The following ADAM7 variants were observed in gnomAD, a reference collection of about 807,000 sequenced individuals.
ADAM7 encodes the protein ADAM metallopeptidase domain 7, also known as disintegrin and metalloproteinase domain-containing protein 7.
In ADAM7, 97 loss-of-function variants were observed where a neutral mutation model predicts 102.9. The ratio of observed to expected loss-of-function variants is 0.94; its 90% CI spans 0.80 to 1.12. ADAM7 has a LOEUF of 1.12. ADAM7 is among the 50% of genes most tolerant of loss of function. ADAM7 has a pLI of 0.00. For missense variants in ADAM7, 991 were observed against 908.7 expected (o/e 1.09, Z -1.16); for synonymous variants, 334 against 304.4 (o/e 1.10, Z -1.01).
chr8:24,501,954 G>A (rs979294765), intron 20 of ADAM7, among the ~76,000 whole-genome samples: 27 of 152,078 alleles, frequency 1.8e-4, no homozygotes, highest in African/African-American at 5.1e-4. Context: ...CACTTCTGGA[G>A]GCCGAGACAG....
intron 7 of ADAM7, among the ~76,000 whole-genome samples, chr8:24,474,578 T>C (rs907568720): frequency 6.6e-6 from 1 of 152,058 alleles, no homozygotes; most frequent in African/African-American, 2.4e-5. Flanking sequence ...ATTAATGATA[T>C]ATATGATAGC....
intron 4 of ADAM7, among the ~76,000 whole-genome samples, chr8:24,465,091 G>A (rs1156869739): frequency 6.6e-6 from 1 of 152,132 alleles, no homozygotes; most frequent in East Asian, 1.9e-4. Context: ...AGCAGCAAAT[G>A]TCAACTTCTA....
Position 24,466,860 on chromosome 8 carries a change from G to A in ADAM7, c.451G>A (p.Gly151Arg). The A allele has an allele frequency of 1.2e-6, 2 of 1,613,984 alleles. No individual in the cohort carries two copies. Among genetic ancestry groups the A allele is most frequent in the Non-Finnish European group, 1.7e-6 (2 of 1,179,936 alleles). The change falls in exon 6 of 22, where the codon GGA (glycine) becomes AGA (arginine). Residue 151 changes from glycine (G) to arginine (R), a missense_variant. Physicochemically the swap from Gly to Arg is moderately radical, Grantham distance 125. Transcript: ENST00000175238. The stretch of plus-strand genomic sequence containing the variant: ...TGAACCAGTGAAATACTCAGATGAG[G>A]GAGAACATTTGGTGTTCAAATATAA... ...LIEPVKYSDE[G>R]EHLVFKYNLR...
intron 9 of ADAM7, among the ~76,000 whole-genome samples, chr8:24,482,541 A>G (rs1819992760): frequency 6.6e-6 from 1 of 152,118 alleles, no homozygotes; most frequent in African/African-American, 2.4e-5. Context: ...TTAGCCTAGG[A>G]GTTCAAGACC....
chr8:24,482,977 T>C (rs1334174895), intron 9 of ADAM7, among the ~76,000 whole-genome samples: 1 of 152,102 alleles, frequency 6.6e-6, no homozygotes, highest in Non-Finnish European at 1.5e-5. Context: ...TTCCAAAATC[T>C]GCCTTTCTGG....
intron 9 of ADAM7, among the ~76,000 whole-genome samples, chr8:24,482,558 A>G (rs895269797): frequency 6.6e-6 from 1 of 152,062 alleles, no homozygotes; most frequent in Non-Finnish European, 1.5e-5. Flanking sequence ...GACCAGCCCC[A>G]GGCAACATAG....
chr8:24,500,546 C>G (rs1222560411), intron 18 of ADAM7, among the ~76,000 whole-genome samples: 2 of 152,164 alleles, frequency 1.3e-5, no homozygotes, highest in African/African-American at 4.8e-5. Flanking sequence ...AATCAAAACT[C>G]TTCCTGATGA....
intron 13 of ADAM7, 61 bp downstream of exon 13, chr8:24,490,949 G>C: frequency 6.4e-7 from 1 of 1,552,016 alleles, no homozygotes; most frequent in Non-Finnish European, 8.8e-7. Context: ...TAGGATCCAA[G>C]AGTTATCTAA....
At chr8:24,456,632 A>ATTT (rs71212541) in intron 3 of ADAM7, among the ~76,000 whole-genome samples, 36 of 136,982 alleles carry the variant, frequency 2.6e-4, no homozygotes, top group African/African-American at 9.4e-4. Flanking sequence ...TGTCCTGGGA[A>ATTT]TTTTTTTTTT....
At chr8:24,485,682 TG>T (rs1344942077) in intron 10 of ADAM7, among the ~76,000 whole-genome samples, 1 of 152,212 alleles carries the variant, frequency 6.6e-6, no homozygotes, top group East Asian at 1.9e-4. Flanking sequence ...TAAAGGTTGA[TG>T]GCTCATTTAA....
chr8:24,452,748 A>C (rs1285201181), intron 3 of ADAM7, among the ~76,000 whole-genome samples: 2 of 151,790 alleles, frequency 1.3e-5, no homozygotes, highest in African/African-American at 4.8e-5. Context: ...CCTAGCCTCG[A>C]TGGTCTTTAC....
In ADAM7 at chr8:24,508,759, A is replaced by G. The variant is rs189196924; in HGVS notation, c.*213A>G. 1 of 1,359,198 alleles carries G rather than the reference A, an allele frequency of 7.4e-7. No individual in the cohort carries two copies. 84.2% of individuals were successfully genotyped at this position (1,359,198 alleles called of 1,614,324 possible). A position where few individuals can be genotyped will look rare whatever the true frequency, so the allele number is the denominator to read the frequency against. On this transcript the variant is annotated 3_prime_UTR_variant, in exon 22 of 22. Transcript: ENST00000175238. ...ACCCTCTATCATAAACATATGCTGC[A>G]GAAAAAAAATGTCTTGTGGTCTTTC... is the stretch of plus-strand genomic sequence containing the variant.
At chr8:24,464,316 AC>A (rs144374521) in intron 4 of ADAM7, among the ~76,000 whole-genome samples, 19,076 of 152,162 alleles carry the variant, frequency 0.13, 1,548 homozygotes, top group Non-Finnish European at 0.18. Context: ...AAGCTATGAA[AC>A]AACTTTAAAA....
At chr8:24,504,289 G>A (rs1820872966) in intron 20 of ADAM7, among the ~76,000 whole-genome samples, 1 of 151,916 alleles carries the variant, frequency 6.6e-6, no homozygotes, top group African/African-American at 2.4e-5. Flanking sequence ...AACCTCTGGA[G>A]CCCAGGAGAT....
chr8:24,485,066 G>T (rs905147550), intron 9 of ADAM7, among the ~76,000 whole-genome samples: 2 of 151,776 alleles, frequency 1.3e-5, no homozygotes, highest in African/African-American at 4.8e-5. Flanking sequence ...GGCCTCCCAA[G>T]TGCACTGGCT....
At chr8:24,453,556 A>AT (rs1236793203) in intron 3 of ADAM7, among the ~76,000 whole-genome samples, 2 of 151,874 alleles carry the variant, frequency 1.3e-5, no homozygotes, top group African/African-American at 4.8e-5. Context: ...ACTCATCTAA[A>AT]TTTTTTTCAA....
In ADAM7 at chr8:24,487,312, T is replaced by C; in HGVS notation, c.1086T>C (p.Asp362=). The C allele has an allele frequency of 6.2e-7, 1 of 1,613,598 alleles. No homozygotes were observed. The highest frequency in any genetic ancestry group is 1.1e-5 in the South Asian group (1 of 91,058). The change falls in exon 11 of 22, where the codon GAT becomes GAC. Residue 362 remains aspartate (D), a synonymous_variant. Transcript: ENST00000175238. Reference sequence around the variant, plus strand: ...CAGGAAAATGCGTGATGGACAGTGATGGAAGGTGAGATTCGAACAATGTAC... The same window carrying C: ...CAGGAAAATGCGTGATGGACAGTGACGGAAGGTGAGATTCGAACAATGTAC... ...CPSGKCVMDS[D]GSIPALKFSK...
chr8:24,467,198 T>C (rs2129382525), intron 6 of ADAM7: 1 of 599,660 alleles, frequency 1.7e-6, no homozygotes, highest in East Asian at 2.8e-5. Flanking sequence ...CAAGAAAGGA[T>C]GATTCTACAA....
chr8:24,502,524 C>T (rs923130710), intron 20 of ADAM7, among the ~76,000 whole-genome samples: 1 of 151,804 alleles, frequency 6.6e-6, no homozygotes, highest in Non-Finnish European at 1.5e-5. Context: ...CTAGTTAGTA[C>T]ATATTATTAA....
Sources: gnomAD v4.1 joint callset for allele counts (sites outside exome capture counted in the v4.1 genomes callset) on GRCh38, gnomAD v4.1.1 for gene constraint, MANE v1.5 for transcripts, NCBI Gene and HGNC (gene_info 2026-07-23, HGNC 2026-07-21) for gene names.